The following DRC1 variants were observed in gnomAD, a reference collection of about 807,000 sequenced individuals.
DRC1 encodes the protein dynein regulatory complex protein 1.
DRC1 carries 74 observed loss-of-function variants against 98.7 expected under a neutral mutation model. The ratio of observed to expected loss-of-function variants is 0.75; its 90% confidence interval spans 0.62 to 0.91. The LOEUF (loss-of-function observed/expected upper bound fraction) is 0.91, where lower values mean the gene tolerates loss of function less well. DRC1 is among the 40% of genes least tolerant of loss of function. The pLI is 0.00. For missense variants in DRC1, 875 were observed against 886.0 expected (o/e 0.99, Z 0.16); for synonymous variants, 336 against 334.1 (o/e 1.01, Z -0.06).
chr2:26,455,572 T>C (rs889604757), intron 16 of DRC1, among the ~76,000 whole-genome samples: 2 of 152,204 alleles, frequency 1.3e-5, no homozygotes, highest in Admixed American at 1.3e-4. Context: ...TCTTCTTCCA[T>C]CCTCACACCC....
chr2:26,451,053 T>TTGTCCCGAAGCCCCCAGAGCACAGTGC (rs1456963807), intron 13 of DRC1, among the ~76,000 whole-genome samples: 3 of 152,228 alleles, frequency 2.0e-5, no homozygotes, highest in African/African-American at 7.2e-5. Flanking sequence ...GCATTTTCAA[T>TTGTCCCGAAGCCCCCAGAGCACAGTGC]TGTCCCGAAG....
At chr2:26,418,690 T>TAAATTAAATATAATTTATATATA (rs1558438333) in intron 2 of DRC1, among the ~76,000 whole-genome samples, 4 of 88,986 alleles carry the variant, frequency 4.5e-5, no homozygotes, top group Non-Finnish European at 8.3e-5. Context: ...ATTTATATTA[T>TAAATTAAATATAATTTATATATA]ATATAAATTA....
chr2:26,440,479 C>T lies in DRC1; in HGVS notation c.990C>T (p.Ser330=), dbSNP rs149344139. The change falls in exon 8 of 17, where the codon AGC becomes AGT. Residue 330 remains serine, a synonymous_variant. Transcript: ENST00000288710. The stretch of plus-strand genomic sequence containing the variant: ...TGCTGAAGAAGAGAGATGAAGAAAG[C>T]ACAGTAATTAAATCCCAGCAGAAGA... ...LQVLKKRDEE[S]TVIKSQQKRK... The T allele has an allele frequency of 3.5e-4, 562 of 1,612,610 alleles. No homozygotes were observed. Among genetic ancestry groups the T allele is most frequent in the Non-Finnish European group, 4.4e-4 (520 of 1,179,312 alleles).
intron 2 of DRC1, among the ~76,000 whole-genome samples, chr2:26,417,327 CT>C (rs762670821): frequency 2.4e-3 from 334 of 140,720 alleles, no homozygotes; most frequent in African/African-American, 3.0e-3. Flanking sequence ...CTTGGCTATT[CT>C]TTTTTTTTTT....
At chr2:26,438,165 G>C (rs55914022) in intron 7 of DRC1, among the ~76,000 whole-genome samples, 190 of 148,790 alleles carry the variant, frequency 1.3e-3, no homozygotes, top group African/African-American at 4.6e-3. Flanking sequence ...ATGGAAAATT[G>C]TTGTAATATT....
rs1046574268 is a variant in DRC1, at chr2:26,417,623, C to T, written c.243+3192C>T. ...GGATTACAGGCATGAGCCACTGCGCCCAGCCTTGTCTTGGCTATTCTTGAC... is the reference window on the plus strand; with the variant it reads ...GGATTACAGGCATGAGCCACTGCGCTCAGCCTTGTCTTGGCTATTCTTGAC... On this transcript the variant is annotated intron_variant, in intron 2 of 16. Coordinates refer to ENST00000288710, the MANE Select transcript of DRC1 (RefSeq NM_145038.5). 9.8e-5 allele frequency among the ~76,000 whole-genome samples: 15 copies of T among 152,334 alleles called. No individual in the cohort carries two copies. The South Asian group carries it at 2.7e-3, about 27-fold the overall frequency.
rs1258015867 is a variant in DRC1, at chr2:26,440,365, T to C, written c.889-13T>C. 6.3e-7 allele frequency: 1 copy of C among 1,599,958 alleles called. No individual in the cohort carries two copies. Among genetic ancestry groups the C allele is most frequent in the Admixed American group, 1.7e-5 (1 of 57,852 alleles). On this transcript the variant is annotated splice_polypyrimidine_tract_variant and intron_variant, in intron 7 of 16. Transcript: ENST00000288710. ...TGTGTGTATATATATATATATAGTTTTTTTAACTTTAGATTCTTGAGCAGC... is the reference window on the plus strand; with the variant it reads ...TGTGTGTATATATATATATATAGTTCTTTTAACTTTAGATTCTTGAGCAGC...
chr2:26,429,799 T>C (rs1663386111), intron 5 of DRC1, 34 bp downstream of exon 5: 4 of 1,611,472 alleles, frequency 2.5e-6, no homozygotes, highest in African/African-American at 2.7e-5. Flanking sequence ...GTTTCTGCTC[T>C]TGGAGGGCCC....
At chr2:26,403,812 A>G (rs1678333725) in intron 1 of DRC1, among the ~76,000 whole-genome samples, 1 of 147,664 alleles carries the variant, frequency 6.8e-6, no homozygotes, top group Non-Finnish European at 1.5e-5. Context: ...AAAAAAAAAA[A>G]AAATTGGGCC....
intron 8 of DRC1, 131 bp downstream of exon 8, chr2:26,440,648 G>T: frequency 8.2e-7 from 1 of 1,224,958 alleles, no homozygotes. Flanking sequence ...ATAGTTTTTT[G>T]GAAAAGTTAA....
intron 12 of DRC1, 62 bp downstream of exon 12, chr2:26,450,147 C>G: frequency 6.6e-7 from 1 of 1,509,264 alleles, no homozygotes; most frequent in South Asian, 1.2e-5. Flanking sequence ...TCTCAGATGG[C>G]CCTGCCATTG....
chr2:26,453,742 A>T (rs1218310933), intron 14 of DRC1, among the ~76,000 whole-genome samples, 193 bp downstream of exon 14: 1 of 152,196 alleles, frequency 6.6e-6, no homozygotes, highest in Non-Finnish European at 1.5e-5. Flanking sequence ...CATAGTGGTG[A>T]TCTGTGCTTT....
chr2:26,440,573 T>C, intron 8 of DRC1, 56 bp downstream of exon 8: 2 of 1,548,492 alleles, frequency 1.3e-6, no homozygotes, highest in Non-Finnish European at 1.7e-6. Flanking sequence ...AGAATAGGGA[T>C]GGATATGTAC....
chr2:26,426,523 T>A (rs1292920536), intron 4 of DRC1, among the ~76,000 whole-genome samples: 1 of 151,858 alleles, frequency 6.6e-6, no homozygotes, highest in African/African-American at 2.4e-5. Context: ...TGCACCACCA[T>A]GCCTGGCTAA....
chr2:26,427,127 A>T (rs1663304227), intron 4 of DRC1, among the ~76,000 whole-genome samples: 1 of 151,782 alleles, frequency 6.6e-6, no homozygotes, highest in Non-Finnish European at 1.5e-5. Context: ...ATTTAATTTA[A>T]TTTTTTTGAG....
rs1010449725 is a variant in DRC1 at position 26,427,817 on chromosome 2, A to T, written c.541-1811A>T. Among the ~76,000 whole-genome samples the T allele has an allele frequency of 2.0e-5, 3 of 152,218 alleles. No homozygotes were observed. The East Asian group carries it at 5.8e-4, about 29-fold the overall frequency. On this transcript the variant is annotated intron_variant, in intron 4 of 16. Coordinates refer to ENST00000288710, the MANE Select transcript of DRC1 (RefSeq NM_145038.5). ...TTTTTAGCTCCCACAAATGAGTGAG[A>T]ACATGCAAAGTTTGAATTTTTGTGC...
At chr2:26,455,544 G>A (rs1011471341) in intron 16 of DRC1, among the ~76,000 whole-genome samples, 1 of 152,200 alleles carries the variant, frequency 6.6e-6, no homozygotes, top group African/African-American at 2.4e-5. Flanking sequence ...CCCAGCTACA[G>A]AGCCTCCAGC....
rs370126929 is a variant in DRC1 at position 26,454,841 on chromosome 2, C to T, written c.2063+51C>T. 47 of 1,610,770 alleles carry T rather than the reference C, an allele frequency of 2.9e-5. No homozygotes were observed. The highest frequency in any genetic ancestry group is 2.3e-4 in the African/African-American group (17 of 74,846). On this transcript the variant is annotated intron_variant, in intron 15 of 16. Transcript: ENST00000288710. This position sits in a 1 kb window ranked among gnomAD's most constrained non-coding sequence, Gnocchi z 5.2. ...AGGGTGCTGGCGGGCAGGTGAGGAACGGTTGTTGGGAGCAGCCGCGTTTGC... is the reference window on the plus strand; with the variant it reads ...AGGGTGCTGGCGGGCAGGTGAGGAATGGTTGTTGGGAGCAGCCGCGTTTGC...
chr2:26,404,746 T>G (rs1164138496), intron 1 of DRC1, among the ~76,000 whole-genome samples: 1 of 152,196 alleles, frequency 6.6e-6, no homozygotes, highest in Admixed American at 6.5e-5. Context: ...GTGGAGTTTT[T>G]CAAACTTCTA....
Sources: allele counts gnomAD v4.1 joint callset (sites outside exome capture counted in the v4.1 genomes callset), GRCh38; gene constraint gnomAD v4.1.1; non-coding constraint Gnocchi (gnomAD v3.1); transcripts MANE v1.5; gene names NCBI Gene and HGNC (gene_info 2026-07-23, HGNC 2026-07-21).